Variants in GNAQ observed in about 807,000 individuals in gnomAD.
GNAQ encodes the protein G protein subunit alpha q, also known as guanine nucleotide-binding protein G(q) subunit alpha.
GNAQ carries 8 observed loss-of-function variants against 43.9 expected under a neutral mutation model. The ratio of observed to expected loss-of-function variants is 0.18; its 90% CI spans 0.11 to 0.33. The LOEUF (loss-of-function observed/expected upper bound fraction) is 0.33, where lower values mean the gene tolerates loss of function less well. GNAQ is among the 10% of genes least tolerant of loss of function. The pLI, the probability that GNAQ is intolerant of heterozygous loss-of-function variation, is 1.00. For missense variants in GNAQ, 158 were observed against 450.8 expected (o/e 0.35, Z 5.88); for synonymous variants, 155 against 170.7 (o/e 0.91, Z 0.71).
chr9:77,852,953 C>A (rs1223451975), intron 2 of GNAQ, among the ~76,000 whole-genome samples: 1 of 152,140 alleles, frequency 6.6e-6, no homozygotes, highest in Non-Finnish European at 1.5e-5. Context: ...GTAAGGCACA[C>A]TACAGAATAA....
chr9:77,776,459 T>C (rs2118388423), intron 5 of GNAQ, among the ~76,000 whole-genome samples: 1 of 152,286 alleles, frequency 6.6e-6, no homozygotes, highest in South Asian at 2.1e-4. Flanking sequence ...GGGTAAAAAT[T>C]ATTACTAGAG....
At chr9:77,799,913 G>C (rs1039211121) in intron 3 of GNAQ, among the ~76,000 whole-genome samples, 1 of 152,214 alleles carries the variant, frequency 6.6e-6, no homozygotes, top group Admixed American at 6.5e-5. Context: ...CAAATAGAGG[G>C]AGGCTGGGAG....
chr9:77,947,903 A>G (rs1009448725), intron 1 of GNAQ, among the ~76,000 whole-genome samples: 4 of 152,112 alleles, frequency 2.6e-5, no homozygotes, highest in African/African-American at 9.7e-5. Flanking sequence ...CAGCTGTGGG[A>G]CCTAGAGCAA....
intron 2 of GNAQ, among the ~76,000 whole-genome samples, chr9:77,884,123 A>G (rs1828262321): frequency 1.3e-5 from 2 of 152,340 alleles, no homozygotes; most frequent in South Asian, 4.1e-4. Context: ...AGCCAGCCCA[A>G]GAAGATGCTC....
intron 2 of GNAQ, among the ~76,000 whole-genome samples, chr9:77,919,558 AG>A (rs1262775567): frequency 1.3e-5 from 2 of 152,198 alleles, no homozygotes; most frequent in African/African-American, 2.4e-5. Flanking sequence ...GCATAAACAA[AG>A]GCAACAAGTG....
intron 2 of GNAQ, among the ~76,000 whole-genome samples, chr9:77,915,586 C>T (rs1828887297): frequency 1.5e-5 from 2 of 134,030 alleles, no homozygotes; most frequent in Non-Finnish European, 3.0e-5. Flanking sequence ...AATCCCATTA[C>T]TATTTGTCAC....
intron 1 of GNAQ, among the ~76,000 whole-genome samples, chr9:77,994,812 G>GT: frequency 6.6e-6 from 1 of 152,200 alleles, no homozygotes; most frequent in South Asian, 2.1e-4. Flanking sequence ...TTCCTATATT[G>GT]TAAGTCTTTA....
intron 1 of GNAQ, among the ~76,000 whole-genome samples, chr9:77,944,627 A>C (rs1330163925): frequency 1.3e-5 from 2 of 152,190 alleles, no homozygotes; most frequent in Non-Finnish European, 2.9e-5. Flanking sequence ...CCACTGAGGC[A>C]TTGCTCCAAC....
At chr9:77,776,420 T>C (rs1202788079) in intron 5 of GNAQ, among the ~76,000 whole-genome samples, 1 of 152,168 alleles carries the variant, frequency 6.6e-6, no homozygotes, top group Admixed American at 6.5e-5. Flanking sequence ...AAAAGAGAGC[T>C]AGACTAATAT....
At chr9:77,810,207 C>CT (rs1450672584) in intron 3 of GNAQ, among the ~76,000 whole-genome samples, 7 of 144,856 alleles carry the variant, frequency 4.8e-5, no homozygotes, top group African/African-American at 1.5e-4. Context: ...AACTGTCAAT[C>CT]ATCTATCTAT....
chr9:77,955,080 A>G (rs1389331851), intron 1 of GNAQ, among the ~76,000 whole-genome samples: 1 of 152,230 alleles, frequency 6.6e-6, no homozygotes, highest in African/African-American at 2.4e-5. Flanking sequence ...TGGCAAAGCT[A>G]AGAATGTTCG....
intron 1 of GNAQ, among the ~76,000 whole-genome samples, chr9:77,969,806 A>G (rs970142821): frequency 1.6e-4 from 24 of 152,326 alleles, no homozygotes; most frequent in Admixed American, 9.8e-4. Flanking sequence ...TACTAAATGT[A>G]AGGCAAAAGG....
chr9:77,765,941 T>TA (rs1249208178), intron 5 of GNAQ, among the ~76,000 whole-genome samples: 1 of 152,198 alleles, frequency 6.6e-6, no homozygotes, highest in Non-Finnish European at 1.5e-5. Context: ...GCTACATGAA[T>TA]AAATCTTGAT....
chr9:77,838,102 G>A (rs944324635), intron 2 of GNAQ, among the ~76,000 whole-genome samples: 10 of 149,512 alleles, frequency 6.7e-5, no homozygotes, highest in Non-Finnish European at 1.2e-4. Flanking sequence ...CACCAACCTC[G>A]GCCTTGCAAA....
intron 2 of GNAQ, among the ~76,000 whole-genome samples, chr9:77,867,530 A>C (rs562269514): frequency 1.6e-4 from 25 of 152,322 alleles, no homozygotes; most frequent in African/African-American, 5.3e-4. Flanking sequence ...AAAATTTTGC[A>C]GTCAAATCAT....
At chr9:77,955,377 G>C (rs909517067) in intron 1 of GNAQ, among the ~76,000 whole-genome samples, 2 of 152,246 alleles carry the variant, frequency 1.3e-5, no homozygotes, top group South Asian at 4.2e-4. Context: ...TCCTGACCTT[G>C]TGATCCACCT....
At chr9:78,025,376 C>T (rs1466183067) in intron 1 of GNAQ, among the ~76,000 whole-genome samples, 2 of 152,172 alleles carry the variant, frequency 1.3e-5, no homozygotes, top group East Asian at 3.9e-4. Context: ...TTACTCCATT[C>T]GGCAGAACAA....
intron 1 of GNAQ, among the ~76,000 whole-genome samples, chr9:78,005,881 G>A (rs1823700248): frequency 6.6e-6 from 1 of 152,150 alleles, no homozygotes; most frequent in African/African-American, 2.4e-5. Context: ...AAAGCAAAAT[G>A]CAAAATCGGC....
intron 2 of GNAQ, among the ~76,000 whole-genome samples, chr9:77,879,718 A>G (rs1038039515): frequency 1.3e-5 from 2 of 152,248 alleles, no homozygotes; most frequent in Non-Finnish European, 2.9e-5. Context: ...GCCTTTGCAA[A>G]GTACTGCAAA....
Sources: gnomAD v4.1 joint callset for allele counts (sites outside exome capture counted in the v4.1 genomes callset) on GRCh38, gnomAD v4.1.1 for gene constraint, MANE v1.5 for transcripts, NCBI Gene and HGNC (gene_info 2026-07-23, HGNC 2026-07-21) for gene names.